KLF12: variants seen among roughly 807,000 people sequenced by gnomAD.
KLF12 encodes the protein Krueppel-like factor 12.
KLF12 carries 9 observed loss-of-function variants against 37.8 expected under a neutral mutation model. The ratio of observed to expected loss-of-function variants is 0.24; its 90% CI spans 0.14 to 0.42. KLF12 has a LOEUF of 0.42. KLF12 is among the 10% of genes least tolerant of loss of function. KLF12 has a pLI of 1.00. For synonymous variants in KLF12, 208 were observed against 202.1 expected, an observed-to-expected ratio of 1.03 and a Z score of -0.25; for missense variants, 411 against 516.0, an observed-to-expected ratio of 0.80 and a Z score of 1.97.
At chr13:74,009,708 T>TTAGG (rs1422915252) in intron 1 of KLF12, among the ~76,000 whole-genome samples, 1 of 152,184 alleles carries the variant, frequency 6.6e-6, no homozygotes, top group Non-Finnish European at 1.5e-5. Flanking sequence ...ATGTATATAG[T>TTAGG]TAAATATGGC....
At chr13:73,914,449 T>C (rs995233856) in intron 3 of KLF12, among the ~76,000 whole-genome samples, 2 of 152,228 alleles carry the variant, frequency 1.3e-5, no homozygotes, top group African/African-American at 2.4e-5. Flanking sequence ...ATAGTACACA[T>C]AGCAGGCACT....
intron 4 of KLF12, among the ~76,000 whole-genome samples, chr13:73,841,640 G>A (rs912229882): frequency 6.6e-6 from 1 of 152,010 alleles, no homozygotes; most frequent in Non-Finnish European, 1.5e-5. Flanking sequence ...ATTCCTTTAG[G>A]GTTCGGTTTA....
At chr13:73,871,320 C>T (rs1016940927) in intron 3 of KLF12, among the ~76,000 whole-genome samples, 4 of 152,208 alleles carry the variant, frequency 2.6e-5, no homozygotes, top group Admixed American at 6.5e-5. Context: ...ACCTGACTTC[C>T]ATCCCTCCTT....
intron 1 of KLF12, among the ~76,000 whole-genome samples, chr13:74,104,839 C>T: frequency 6.6e-6 from 1 of 152,064 alleles, no homozygotes; most frequent in East Asian, 1.9e-4. Flanking sequence ...AGGGCATAGG[C>T]TCTCATACTT....
At chr13:73,928,476 G>A (rs1384233440) in intron 3 of KLF12, among the ~76,000 whole-genome samples, 3 of 152,124 alleles carry the variant, frequency 2.0e-5, no homozygotes, top group Non-Finnish European at 4.4e-5. Flanking sequence ...TATACAAATG[G>A]AAAGCAGTAC....
intron 7 of KLF12, among the ~76,000 whole-genome samples, chr13:73,708,502 G>A (rs1332696524): frequency 3.3e-5 from 5 of 152,038 alleles, no homozygotes; most frequent in African/African-American, 1.2e-4. Context: ...TTAATGTCAT[G>A]TCATACATAC....
At chr13:74,063,774 T>C (rs1873748100) in intron 1 of KLF12, among the ~76,000 whole-genome samples, 1 of 152,210 alleles carries the variant, frequency 6.6e-6, no homozygotes, top group Admixed American at 6.5e-5. Context: ...AAATTTTATT[T>C]TAGTATTTAT....
At chr13:74,223,852 C>A in the KLF12 span, among the ~76,000 whole-genome samples, 1 of 152,126 alleles carries the variant, frequency 6.6e-6, no homozygotes, top group Admixed American at 6.6e-5. Context: ...GATCATCAGT[C>A]ATCATGTCTG....
chr13:73,930,740 A>G (rs1889628053), intron 3 of KLF12, among the ~76,000 whole-genome samples: 1 of 152,218 alleles, frequency 6.6e-6, no homozygotes, highest in Admixed American at 6.5e-5. Context: ...TTGATTTTAC[A>G]GTATAAACAG....
chr13:73,974,378 A>C (rs1237420237), intron 2 of KLF12, among the ~76,000 whole-genome samples: 1 of 151,938 alleles, frequency 6.6e-6, no homozygotes, highest in Non-Finnish European at 1.5e-5. Context: ...GGAACAAAGA[A>C]GTCAAACTGG....
chr13:73,709,741 A>G (rs2137639874), intron 7 of KLF12, among the ~76,000 whole-genome samples: 1 of 152,318 alleles, frequency 6.6e-6, no homozygotes, highest in African/African-American at 2.4e-5. Flanking sequence ...GGTATTTCAC[A>G]AGGACATTTA....
At chr13:74,062,071 A>G (rs971584656) in intron 1 of KLF12, among the ~76,000 whole-genome samples, 2 of 152,178 alleles carry the variant, frequency 1.3e-5, no homozygotes, top group African/African-American at 2.4e-5. Flanking sequence ...TTTCTAATAA[A>G]CAAGGCAGCT....
chr13:73,955,044 C>T (rs1890789225), intron 2 of KLF12, among the ~76,000 whole-genome samples: 1 of 152,098 alleles, frequency 6.6e-6, no homozygotes, highest in South Asian at 2.1e-4. Flanking sequence ...ATGAGACTTT[C>T]TTCTGGTTTC....
At chr13:74,195,803 C>G in the KLF12 span, among the ~76,000 whole-genome samples, 2 of 152,022 alleles carry the variant, frequency 1.3e-5, no homozygotes, top group Non-Finnish European at 2.9e-5. Flanking sequence ...AGGCTGGTCT[C>G]GAACTCCTGA....
the KLF12 span, among the ~76,000 whole-genome samples, chr13:74,209,075 TA>T: frequency 1.3e-5 from 2 of 151,908 alleles, no homozygotes; most frequent in East Asian, 1.9e-4. Context: ...ACAGAAATAT[TA>T]AAAAAAAGTC....
At chr13:74,212,729 C>G in the KLF12 span, among the ~76,000 whole-genome samples, 1 of 151,754 alleles carries the variant, frequency 6.6e-6, no homozygotes, top group Non-Finnish European at 1.5e-5. Flanking sequence ...GTGGAAGAGA[C>G]AAAAAAGGGA....
At chr13:74,302,085 T>G in the KLF12 span, among the ~76,000 whole-genome samples, 1 of 152,104 alleles carries the variant, frequency 6.6e-6, no homozygotes, top group African/African-American at 2.4e-5. Flanking sequence ...TAGCCTTTGG[T>G]TTTTGCAGCC....
rs192700740 is a variant in KLF12, at chr13:74,112,369, T to C, written c.-32+21370A>G. 3.0e-3 allele frequency among the ~76,000 whole-genome samples: 429 copies of C among 144,750 alleles called. 7 individuals carry two copies. The Middle Eastern group carries it at 0.036, about 12-fold the overall frequency. 95.0% of individuals were successfully genotyped at this position (144,750 alleles called of 152,430 possible). ...CTTATTTTGTTACATTCCATTTTAC[T>C]GCACTTTGCAGATATTGTCTGTGTG... On this transcript the variant is annotated intron_variant, in intron 1 of 7. Transcript: ENST00000377669.
At chr13:74,032,640 T>C (rs1473598896) in intron 1 of KLF12, among the ~76,000 whole-genome samples, 1 of 152,096 alleles carries the variant, frequency 6.6e-6, no homozygotes, top group Non-Finnish European at 1.5e-5. Flanking sequence ...TACAACCCCA[T>C]TCTCATGACC....
Sources: allele counts gnomAD v4.1 joint callset (sites outside exome capture counted in the v4.1 genomes callset), GRCh38; gene constraint gnomAD v4.1.1; transcripts MANE v1.5; gene names NCBI Gene and HGNC (gene_info 2026-07-23, HGNC 2026-07-21).